The following TCF4 variants were observed in gnomAD, a reference collection of about 807,000 sequenced individuals.
TCF4 encodes SL3-3 enhancer factor 2.
TCF4 carries 3 observed loss-of-function variants against 82.1 expected under a neutral mutation model. That is an observed-to-expected ratio of 0.04 (90% CI 0.02 to 0.09). The LOEUF is 0.09. Ranked by LOEUF, TCF4 falls within the 10% of genes least tolerant of loss-of-function variation. TCF4 has a pLI of 1.00. For missense variants in TCF4, 518 were observed against 852.7 expected, an observed-to-expected ratio of 0.61 and a Z score of 4.89; for synonymous variants, 276 against 309.6, an observed-to-expected ratio of 0.89 and a Z score of 1.14.
chr18:55,326,846 T>C (rs963031598), intron 8 of TCF4, among the ~76,000 whole-genome samples: 1 of 152,176 alleles, frequency 6.6e-6, no homozygotes, highest in African/African-American at 2.4e-5. Context: ...ATATGGAATG[T>C]TATAAAAAAT....
At chr18:55,584,650 C>T (rs575141916) in intron 3 of TCF4, among the ~76,000 whole-genome samples, 4 of 151,720 alleles carry the variant, frequency 2.6e-5, no homozygotes, top group South Asian at 2.1e-4. Flanking sequence ...ATTTATAAAA[C>T]GTAAAAGTCC....
At chr18:55,584,611 C>T (rs1305567361) in intron 3 of TCF4, among the ~76,000 whole-genome samples, 1 of 152,066 alleles carries the variant, frequency 6.6e-6, no homozygotes, top group East Asian at 1.9e-4. Context: ...GTGCTAGCAT[C>T]TTTTTTAAGC....
chr18:55,237,879 A>G (rs2050012435), intron 15 of TCF4, among the ~76,000 whole-genome samples: 1 of 152,210 alleles, frequency 6.6e-6, no homozygotes, highest in South Asian at 2.1e-4. Context: ...CTGGTCACAT[A>G]AGAGACAAGG....
At chr18:55,303,254 C>CACACACACACACACACACCCCT (rs2068964005) in intron 8 of TCF4, among the ~76,000 whole-genome samples, 3 of 150,000 alleles carry the variant, frequency 2.0e-5, no homozygotes, top group African/African-American at 7.5e-5. Context: ...CACACACACA[C>CACACACACACACACACACCCCT]ACACACACAC....
chr18:55,595,987 C>G (rs1182591247), intron 2 of TCF4: 1 of 311,266 alleles, frequency 3.2e-6, no homozygotes, highest in Non-Finnish European at 6.4e-6. Context: ...AATCCCAGCA[C>G]TTTGAGAGAC....
In TCF4 at chr18:55,351,006, A is replaced by G. The variant is rs778998689; in HGVS notation, c.370-3T>C. ...ATGTCACCTCCAAGGAGACTCTGCT[A>G]AAAGGTTAAAAAGGGAAAACAAACA... On this transcript the variant is annotated splice_region_variant and splice_polypyrimidine_tract_variant and intron_variant, in intron 6 of 19. Transcript: ENST00000354452. The G allele has an allele frequency of 1.9e-6, 3 of 1,613,080 alleles. No individual in the cohort carries two copies. In the Admixed American group the frequency reaches 5.0e-5, roughly 27 times the overall value.
intron 10 of TCF4, among the ~76,000 whole-genome samples, chr18:55,274,608 G>A (rs1351968009): frequency 1.3e-5 from 2 of 152,158 alleles, no homozygotes; most frequent in African/African-American, 2.4e-5. Context: ...AAACCTAAGT[G>A]TAGATATGAG....
At chr18:55,292,805 C>T (rs945236251) in intron 8 of TCF4, among the ~76,000 whole-genome samples, 1 of 148,418 alleles carries the variant, frequency 6.7e-6, no homozygotes. Context: ...CACATACACA[C>T]ATCCATTTAT....
In TCF4 at chr18:55,241,625, A is replaced by G. The variant is rs1261077; in HGVS notation, c.1351-6942T>C. Among the ~76,000 whole-genome samples the G allele has an allele frequency of 1.5e-3, 229 of 152,334 alleles. 1 individual carries two copies. The highest frequency in any genetic ancestry group is 5.3e-3 in the African/African-American group (220 of 41,580). ...CCTCCACACAGTTTTTAGCCAGTCC[A>G]GGTGGCCCATCCCTAAGGATCCCTA... On this transcript the variant is annotated intron_variant, in intron 15 of 19. Coordinates refer to ENST00000354452, the MANE Select transcript of TCF4 (RefSeq NM_001083962.2).
intron 13 of TCF4, among the ~76,000 whole-genome samples, chr18:55,259,339 T>C (rs1280101858): frequency 2.0e-5 from 3 of 152,134 alleles, no homozygotes; most frequent in Non-Finnish European, 4.4e-5. Context: ...CCCTGAAAAG[T>C]GAAATTATTT....
At chr18:55,563,027 C>T (rs2097368564) in intron 3 of TCF4, among the ~76,000 whole-genome samples, 1 of 152,030 alleles carries the variant, frequency 6.6e-6, no homozygotes, top group Admixed American at 6.6e-5. Flanking sequence ...ATCACTTGAG[C>T]CTACGAGTTA....
intron 3 of TCF4, among the ~76,000 whole-genome samples, chr18:55,584,391 A>T (rs914833876): frequency 1.1e-4 from 17 of 152,190 alleles, no homozygotes. Flanking sequence ...GCTGTTTAAC[A>T]AGCATAAATG....
chr18:55,589,233 TCGA>T, upstream of TCF4: 13 of 1,029,366 alleles, frequency 1.3e-5, no homozygotes, highest in Non-Finnish European at 1.5e-5. Flanking sequence ...AACATCGGGA[TCGA>T]CATTTTAAAA....
At chr18:55,445,176 C>T (rs1286828903) in intron 5 of TCF4, among the ~76,000 whole-genome samples, 2 of 152,040 alleles carry the variant, frequency 1.3e-5, no homozygotes. Flanking sequence ...AGTAGTTTAC[C>T]ACACGCTTCA....
At chr18:55,534,358 G>C (rs1370534087) in intron 3 of TCF4, among the ~76,000 whole-genome samples, 1 of 152,202 alleles carries the variant, frequency 6.6e-6, no homozygotes, top group Non-Finnish European at 1.5e-5. Context: ...AGGTCCCATA[G>C]ACAGTAAGTT....
chr18:55,621,614 A>ATT (rs1362321795), intron 2 of TCF4, among the ~76,000 whole-genome samples: 10 of 89,986 alleles, frequency 1.1e-4, no homozygotes, highest in African/African-American at 1.4e-4. Flanking sequence ...TACATTATAT[A>ATT]ATATTATATA....
chr18:55,357,283 T>A (rs533095563), intron 6 of TCF4, among the ~76,000 whole-genome samples: 2 of 152,126 alleles, frequency 1.3e-5, no homozygotes, highest in African/African-American at 2.4e-5. Context: ...AAAGAAAACA[T>A]TGAGACAATC....
At chr18:55,505,284 A>G (rs892102886) in intron 3 of TCF4, among the ~76,000 whole-genome samples, 1 of 152,168 alleles carries the variant, frequency 6.6e-6, no homozygotes, top group Non-Finnish European at 1.5e-5. Context: ...CCACCTTTTT[A>G]TTGTCATATG....
chr18:55,265,768 T>C (rs988283141), intron 11 of TCF4: 2 of 152,162 alleles, frequency 1.3e-5, no homozygotes, highest in Non-Finnish European at 2.9e-5. Flanking sequence ...CATACTAACA[T>C]GTCATTCGAA....
Sources: allele counts gnomAD v4.1 joint callset (sites outside exome capture counted in the v4.1 genomes callset), GRCh38; gene constraint gnomAD v4.1.1; transcripts MANE v1.5; gene names NCBI Gene and HGNC (gene_info 2026-07-23, HGNC 2026-07-21).